NRIP1: variants seen among roughly 807,000 people sequenced by gnomAD.
NRIP1 encodes the protein nuclear receptor interacting protein 1.
In NRIP1, 28 loss-of-function variants were observed where a neutral mutation model predicts 75.0. That is an observed-to-expected ratio of 0.37 (90% CI 0.28 to 0.51). NRIP1 has a LOEUF of 0.51. NRIP1 is among the 20% of genes least tolerant of loss of function. The pLI, the probability that NRIP1 is intolerant of heterozygous loss-of-function variation, is 0.92. For synonymous variants in NRIP1, 526 were observed against 487.6 expected (o/e 1.08, Z -1.04); for missense variants, 1,435 against 1,343.7 (o/e 1.07, Z -1.06).
chr21:14,972,998 A>T (rs1241061019), intron 3 of NRIP1, among the ~76,000 whole-genome samples: 1 of 152,198 alleles, frequency 6.6e-6, no homozygotes, highest in Non-Finnish European at 1.5e-5. Flanking sequence ...ATTGCAATTA[A>T]TGTATATTTT....
rs756778386 is a variant in NRIP1 at position 14,966,542 on chromosome 21, C to A, written c.1651G>T (p.Val551Leu). Residue 551 changes from valine to leucine, a missense_variant, in exon 4 of 4, where the codon GTG (valine) becomes TTG (leucine). Transcript: ENST00000318948. Reference sequence around the variant, plus strand: ...GATGTAAGTAAAGGTGGAGTGCTCACTGGAGTAGTCCGATTTGTACTGGGG... The same window carrying A: ...GATGTAAGTAAAGGTGGAGTGCTCAATGGAGTAGTCCGATTTGTACTGGGG... ...ESPSTNRTTP[V>L]STPPLLTSSK... The A allele has an allele frequency of 4.3e-6, 7 of 1,614,092 alleles. No homozygotes were observed. In the South Asian group the frequency reaches 5.5e-5, roughly 13 times the overall value.
Position 14,967,001 on chromosome 21 carries a change from G to T in NRIP1, c.1192C>A (p.His398Asn). The change falls in exon 4 of 4, where the codon CAC becomes AAC. Residue 398 changes from histidine (H) to asparagine (N), a missense_variant. By Grantham distance (68) the His-to-Asn change is moderately conservative (BLOSUM62 1). Transcript: ENST00000318948. The part of the protein sequence containing the change: ...TIPKPMNGHS[H>N]SERGSIFEES... ...TCAAAAATGCTTCCTCTCTCACTGT[G>T]ACTGTGTCCATTCATTGGCTTAGGT... 6.2e-7 allele frequency: 1 copy of T among 1,614,130 alleles called. No individual in the cohort carries two copies. Among genetic ancestry groups the T allele is most frequent in the South Asian group, 1.1e-5 (1 of 91,080 alleles).
At chr21:15,060,929 T>C (rs112317596) in intron 1 of NRIP1, among the ~76,000 whole-genome samples, 96 of 152,274 alleles carry the variant, frequency 6.3e-4, no homozygotes, top group African/African-American at 2.2e-3. Flanking sequence ...TTTCACCATC[T>C]GACACTCCTG....
intron 2 of NRIP1, among the ~76,000 whole-genome samples, chr21:15,029,500 T>A (rs745689555): frequency 6.6e-5 from 10 of 152,338 alleles, no homozygotes; most frequent in Middle Eastern, 3.4e-3. Context: ...AATTTTTATT[T>A]AGCACTTAAT....
chr21:14,966,201 A>C lies in NRIP1; in HGVS notation c.1992T>G (p.Gly664=). Residue 664 remains glycine (G), a synonymous_variant, in exon 4 of 4, where the codon GGT becomes GGG. Coordinates refer to ENST00000318948, the MANE Select transcript of NRIP1 (RefSeq NM_003489.4). ...AAGGGCTATTTAATCTATCAATCAT[A>C]CCTATCGGTTTATCTGTGTTTCCAG... ...LLTGNTDKPI[G]MIDRLNSPLL... is the part of the protein sequence containing the mutation. 2 of 1,613,754 alleles carry C rather than the reference A, an allele frequency of 1.2e-6. No individual in the cohort carries two copies. The highest frequency in any genetic ancestry group is 1.7e-6 in the Non-Finnish European group (2 of 1,179,906).
chr21:15,036,931 T>C (rs1276065600), intron 2 of NRIP1, among the ~76,000 whole-genome samples: 1 of 152,172 alleles, frequency 6.6e-6, no homozygotes, highest in African/African-American at 2.4e-5. Context: ...AATTGTTACA[T>C]TCTAAGCAGG....
At chr21:15,020,673 T>C (rs1013910955) in intron 2 of NRIP1, among the ~76,000 whole-genome samples, 17 of 152,162 alleles carry the variant, frequency 1.1e-4, no homozygotes, top group African/African-American at 3.6e-4. Flanking sequence ...CTATACAGCA[T>C]ATATTAAAAC....
intron 3 of NRIP1, among the ~76,000 whole-genome samples, chr21:15,007,219 C>T (rs945246756): frequency 6.6e-6 from 1 of 152,094 alleles, no homozygotes; most frequent in Admixed American, 6.6e-5. Flanking sequence ...AAACCAGAAG[C>T]TATGGGAGTT....
chr21:14,965,074 C>T lies in NRIP1; in HGVS notation c.3119G>A (p.Gly1040Glu), dbSNP rs1050260339. Residue 1040 changes from glycine to glutamate, a missense_variant, in exon 4 of 4, where the codon GGA becomes GAA. Transcript: ENST00000318948. ...LNGCSMPSEK[G>E]PIKWVITDAE... ...ATCAGTGATAACCCACTTAATGGGT[C>T]CTTTCTCACTGGGCATGGAACACCC... The T allele has an allele frequency of 1.9e-6, 3 of 1,613,720 alleles. No homozygotes were observed. The highest frequency in any genetic ancestry group is 1.7e-6 in the Non-Finnish European group (2 of 1,179,886).
At chr21:15,051,133 C>T (rs543678650) in intron 1 of NRIP1, 2 of 344,890 alleles carry the variant, frequency 5.8e-6, no homozygotes, top group South Asian at 2.2e-5. Flanking sequence ...TAGACCAACA[C>T]TGGGGCTTTC....
intron 1 of NRIP1, among the ~76,000 whole-genome samples, chr21:15,057,025 T>TA (rs2089322083): frequency 6.6e-6 from 1 of 152,166 alleles, no homozygotes; most frequent in Admixed American, 6.5e-5. Flanking sequence ...ACCCTCAAAA[T>TA]AAAGTCAACT....
rs1351848866 is a variant in NRIP1 at position 14,964,839 on chromosome 21, G to T, written c.3354C>A (p.Phe1118Leu). The T allele has an allele frequency of 1.2e-6, 2 of 1,613,294 alleles. No homozygotes were observed. The highest frequency in any genetic ancestry group is 2.7e-5 in the African/African-American group (2 of 74,850). Residue 1118 changes from phenylalanine to leucine, a missense_variant, in exon 4 of 4, where the codon TTC becomes TTA. Transcript: ENST00000318948. Reference sequence around the variant, plus strand: ...TATTGTAAGGGCTTCTTAAATTAAAGAAAGAAGCTTTCGTTTCTGCAGTAG... The same window carrying T: ...TATTGTAAGGGCTTCTTAAATTAAATAAAGAAGCTTTCGTTTCTGCAGTAG... ...LLPTAETKAS[F>L]FNLRSPYNSH... is the part of the protein sequence containing the mutation.
intron 3 of NRIP1, among the ~76,000 whole-genome samples, chr21:14,969,150 ATCATAT>A (rs1385020489): frequency 2.0e-5 from 3 of 152,230 alleles, no homozygotes; most frequent in African/African-American, 4.8e-5. Context: ...GACCATCTTA[ATCATAT>A]TCATAAACAT....
intron 1 of NRIP1, among the ~76,000 whole-genome samples, chr21:15,059,974 A>T (rs7281200): frequency 0.79 from 120,423 of 152,068 alleles, 48,074 homozygotes; most frequent in East Asian, 0.9. Context: ...TATTCTTCTG[A>T]TTTAAGAACT....
In NRIP1 at chr21:14,966,700, A is replaced by G. The variant is rs926753872; in HGVS notation, c.1493T>C (p.Val498Ala). The change falls in exon 4 of 4, where the codon GTA (valine) becomes GCA (alanine). Residue 498 changes from valine (V) to alanine (A), a missense_variant. Val to Ala is a moderately conservative substitution (Grantham distance 64). Transcript: ENST00000318948. ...GCCAAGTAGCAATTGAAGAAGTGTTACTTTCTGGTGTGAGTTTAGCTTAGA... is the reference window on the plus strand; with the variant it reads ...GCCAAGTAGCAATTGAAGAAGTGTTGCTTTCTGGTGTGAGTTTAGCTTAGA... ...KNSKLNSHQKVTLLQLLLGHK... is the reference protein window; with the variant it reads ...KNSKLNSHQKATLLQLLLGHK... 2.5e-6 allele frequency: 4 copies of G among 1,614,072 alleles called. No homozygotes were observed. Among genetic ancestry groups the G allele is most frequent in the South Asian group, 1.1e-5 (1 of 91,084 alleles).
intron 3 of NRIP1, among the ~76,000 whole-genome samples, chr21:15,008,645 AC>A (rs1025468316): frequency 7.5e-4 from 114 of 152,294 alleles, no homozygotes; most frequent in African/African-American, 2.3e-3. Flanking sequence ...TTAAAAAAAA[AC>A]TTATTAGTCT....
chr21:15,025,844 C>T (rs1039978723), intron 2 of NRIP1, among the ~76,000 whole-genome samples: 1 of 152,126 alleles, frequency 6.6e-6, no homozygotes. Context: ...TTCTAACATG[C>T]CAGTGTCTTT....
chr21:14,991,704 G>T (rs76537516), intron 3 of NRIP1, among the ~76,000 whole-genome samples: 3,715 of 152,108 alleles, frequency 0.024, 84 homozygotes, highest in Non-Finnish European at 0.034. Context: ...AAAATTATTT[G>T]CATAAATAAT....
At chr21:15,054,848 A>C (rs1203332236) in intron 1 of NRIP1, among the ~76,000 whole-genome samples, 2 of 152,238 alleles carry the variant, frequency 1.3e-5, no homozygotes, top group African/African-American at 2.4e-5. Flanking sequence ...CAGCTATAAC[A>C]CAAGTTTAAC....
Sources: gnomAD v4.1 joint callset for allele counts (sites outside exome capture counted in the v4.1 genomes callset) on GRCh38, gnomAD v4.1.1 for gene constraint, MANE v1.5 for transcripts, NCBI Gene and HGNC (gene_info 2026-07-23, HGNC 2026-07-21) for gene names.